Variants in GAREM1 observed in about 807,000 individuals in gnomAD.
GAREM1 encodes the protein GRB2-associated and regulator of MAPK protein 1.
A neutral mutation model predicts 71.3 loss-of-function variants in GAREM1; 26 were observed. The observed-to-expected ratio is 0.36, with a 90% confidence interval of 0.27 to 0.51. The LOEUF (loss-of-function observed/expected upper bound fraction) is 0.51. GAREM1 is among the 20% of genes least tolerant of loss of function. GAREM1 has a pLI of 0.95. For missense variants in GAREM1, 1,026 were observed against 1,103.1 expected (o/e 0.93, Z 0.99); for synonymous variants, 440 against 433.2 (o/e 1.02, Z -0.20).
At chr18:32,291,489 G>T (rs902178116) in intron 3 of GAREM1, among the ~76,000 whole-genome samples, 4 of 151,650 alleles carry the variant, frequency 2.6e-5, no homozygotes, top group Non-Finnish European at 5.9e-5. Context: ...TTAAAAATTA[G>T]GTCAACAAGA....
chr18:32,453,295 T>C (rs983911988), intron 1 of GAREM1, among the ~76,000 whole-genome samples: 1 of 152,108 alleles, frequency 6.6e-6, no homozygotes. Flanking sequence ...CATGTGGGAA[T>C]TAGGAGAGCT....
At chr18:32,385,787 C>G (rs1361283657) in intron 2 of GAREM1, among the ~76,000 whole-genome samples, 1 of 152,138 alleles carries the variant, frequency 6.6e-6, no homozygotes, top group Non-Finnish European at 1.5e-5. Context: ...TCAAATCACA[C>G]TTATTAACTG....
rs2144587422 is a variant in GAREM1, at chr18:32,348,469, ATCCCAGCAC to A, written c.263-38155_263-38147del. Among the ~76,000 whole-genome samples, 3 of 152,328 alleles carry A rather than the reference ATCCCAGCAC, an allele frequency of 2.0e-5. 1 individual carries two copies. In the East Asian group the frequency reaches 5.8e-4, roughly 29 times the overall value. Reference sequence around the variant, plus strand: ...CTGGGCGTGGTGGCTCACACCTGTAATCCCAGCACTTTGGGAGGCTGAAGTGGGCAGATC... The same window carrying A: ...CTGGGCGTGGTGGCTCACACCTGTAATTTGGGAGGCTGAAGTGGGCAGATC... On this transcript the variant is annotated intron_variant, in intron 2 of 5. Coordinates refer to ENST00000269209, the MANE Select transcript of GAREM1 (RefSeq NM_001242409.2).
chr18:32,296,404 C>A (rs2047140242), intron 3 of GAREM1, among the ~76,000 whole-genome samples: 1 of 152,144 alleles, frequency 6.6e-6, no homozygotes, highest in Non-Finnish European at 1.5e-5. Context: ...CACATTAGTA[C>A]AATACTATTA....
chr18:32,375,721 A>T (rs1021534758), intron 2 of GAREM1, among the ~76,000 whole-genome samples: 5 of 152,206 alleles, frequency 3.3e-5, no homozygotes, highest in African/African-American at 9.7e-5. Flanking sequence ...TATTGAATAA[A>T]TTATAAAAGA....
intron 1 of GAREM1, among the ~76,000 whole-genome samples, chr18:32,432,996 C>T (rs144867624): frequency 1.3e-5 from 2 of 151,958 alleles, no homozygotes; most frequent in Non-Finnish European, 2.9e-5. Context: ...CAGGAAAAGA[C>T]AATTACACAC....
In GAREM1 at chr18:32,287,760, C is replaced by T. The variant is rs762054084; in HGVS notation, c.837G>A (p.Lys279=). ...HRYKFVNIQT[K]TVVVCCVLRN... Reference sequence around the variant, plus strand: ...GCAGCACACAGCAAACCACCACCGTCTTGGTCTGGATGTTCACAAACTTAT... The same window carrying T: ...GCAGCACACAGCAAACCACCACCGTTTTGGTCTGGATGTTCACAAACTTAT... The change falls in exon 4 of 6, where the codon AAG becomes AAA. Residue 279 remains lysine, a synonymous_variant. Transcript: ENST00000269209. This position sits in a 1 kb window ranked among gnomAD's most constrained non-coding sequence, Gnocchi z 5.9. The T allele has an allele frequency of 2.0e-5, 32 of 1,613,614 alleles. No individual in the cohort carries two copies. The highest frequency in any genetic ancestry group is 2.6e-5 in the Non-Finnish European group (31 of 1,180,002).
chr18:32,264,551 A>T lies in GAREM1; in HGVS notation c.*3320T>A, dbSNP rs1302448918. ...ATGTGTCTGAGAACAGTTGGAACGG[A>T]CTGTCATAATATTTCCCATAAGATT... is the stretch of plus-strand genomic sequence containing the variant. On this transcript the variant is annotated 3_prime_UTR_variant, in exon 6 of 6. Coordinates refer to ENST00000269209, the MANE Select transcript of GAREM1 (RefSeq NM_001242409.2). 6.6e-6 allele frequency: 1 copy of T among 152,230 alleles called. No homozygotes were observed. Among genetic ancestry groups the T allele is most frequent in the African/African-American group, 2.4e-5 (1 of 41,454 alleles). 9.4% of individuals were successfully genotyped at this position (152,230 alleles called of 1,614,324 possible).
At chr18:32,379,343 T>C (rs1463403887) in intron 2 of GAREM1, among the ~76,000 whole-genome samples, 1 of 151,438 alleles carries the variant, frequency 6.6e-6, no homozygotes, top group Non-Finnish European at 1.5e-5. Flanking sequence ...CAACAATATT[T>C]CAATGGAGTC....
At chr18:32,327,703 A>T (rs1459396166) in intron 2 of GAREM1, among the ~76,000 whole-genome samples, 2 of 152,230 alleles carry the variant, frequency 1.3e-5, no homozygotes, top group Non-Finnish European at 2.9e-5. Context: ...AAATATTTTT[A>T]AAAACAACCT....
chr18:32,423,441 T>C (rs887117276), intron 1 of GAREM1, among the ~76,000 whole-genome samples: 1 of 152,250 alleles, frequency 6.6e-6, no homozygotes, highest in African/African-American at 2.4e-5. Context: ...TCCTTATATC[T>C]TTCTCTTGTT....
chr18:32,293,185 T>C (rs1441039474), intron 3 of GAREM1, among the ~76,000 whole-genome samples: 1 of 151,932 alleles, frequency 6.6e-6, no homozygotes, highest in Non-Finnish European at 1.5e-5. Flanking sequence ...ACGTATATCT[T>C]AGTTTTTTTC....
At chr18:32,338,896 G>A (rs1420975887) in intron 2 of GAREM1, among the ~76,000 whole-genome samples, 1 of 152,182 alleles carries the variant, frequency 6.6e-6, no homozygotes, top group African/African-American at 2.4e-5. Flanking sequence ...TAGACTTTGA[G>A]TAAAGCAGAC....
intron 3 of GAREM1, 27 bp from the exon 4 acceptor site, chr18:32,288,230 G>A (rs377138622): frequency 4.2e-5 from 64 of 1,531,368 alleles, no homozygotes; most frequent in Admixed American, 5.8e-5. Flanking sequence ...CACATTTTAC[G>A]TTCATTTCCT....
Position 32,368,088 on chromosome 18 carries a change from T to G in GAREM1, c.262+24807A>C, listed in dbSNP as rs562679453. On this transcript the variant is annotated intron_variant, in intron 2 of 5. Coordinates refer to ENST00000269209, the MANE Select transcript of GAREM1 (RefSeq NM_001242409.2). ...CATGCTTAAATCCAGGATGCCTTTTTAGGCCCAGCTCAAGCCAGGCCTTGA... is the reference window on the plus strand; with the variant it reads ...CATGCTTAAATCCAGGATGCCTTTTGAGGCCCAGCTCAAGCCAGGCCTTGA... Among the ~76,000 whole-genome samples the G allele has an allele frequency of 2.6e-5, 4 of 151,864 alleles. No homozygotes were observed. The South Asian group carries it at 6.3e-4, about 24-fold the overall frequency.
At chr18:32,297,614 A>C (rs2047155966) in intron 3 of GAREM1, among the ~76,000 whole-genome samples, 1 of 152,216 alleles carries the variant, frequency 6.6e-6, no homozygotes, top group Admixed American at 6.5e-5. Context: ...AATATCGTTC[A>C]AATTTTTATT....
chr18:32,350,629 C>T (rs1449775360), intron 2 of GAREM1, among the ~76,000 whole-genome samples: 2 of 152,150 alleles, frequency 1.3e-5, no homozygotes, highest in Admixed American at 1.3e-4. Context: ...AACAGCATTT[C>T]AATGCAATTT....
At chr18:32,455,689 T>C (rs1371693037) in intron 1 of GAREM1, among the ~76,000 whole-genome samples, 1 of 152,166 alleles carries the variant, frequency 6.6e-6, no homozygotes, top group African/African-American at 2.4e-5. Flanking sequence ...AAATTTTCTT[T>C]AGAAAAACAC....
intron 3 of GAREM1, among the ~76,000 whole-genome samples, chr18:32,305,605 T>C (rs956452885): frequency 2.6e-5 from 4 of 152,146 alleles, no homozygotes; most frequent in Non-Finnish European, 5.9e-5. Context: ...CTGGAACCTC[T>C]GCCTCCCAAG....
Sources: allele counts gnomAD v4.1 joint callset (sites outside exome capture counted in the v4.1 genomes callset), GRCh38; gene constraint gnomAD v4.1.1; non-coding constraint Gnocchi (gnomAD v3.1); transcripts MANE v1.5; gene names NCBI Gene and HGNC (gene_info 2026-07-23, HGNC 2026-07-21).